Variants in PIP4K2A observed in about 807,000 individuals in gnomAD.
PIP4K2A encodes the protein phosphatidylinositol 5-phosphate 4-kinase type-2 alpha.
A neutral mutation model predicts 42.9 loss-of-function variants in PIP4K2A; 14 were observed. The ratio of observed to expected loss-of-function variants is 0.33; its 90% CI spans 0.22 to 0.51. PIP4K2A has a LOEUF of 0.51. Among genes scored for constraint, PIP4K2A ranks in the 20% least tolerant of loss-of-function variants. PIP4K2A has a pLI of 0.97. For synonymous variants in PIP4K2A, 192 were observed against 192.2 expected (o/e 1.00, Z 0.01); for missense variants, 434 against 519.8 (o/e 0.83, Z 1.61).
chr10:22,621,019 G>C (rs1165676717), intron 1 of PIP4K2A, among the ~76,000 whole-genome samples: 1 of 152,206 alleles, frequency 6.6e-6, no homozygotes, highest in Non-Finnish European at 1.5e-5. Context: ...CTGACACAGG[G>C]GACAGGGAAG....
chr10:22,693,672 C>T (rs1007142315), intron 1 of PIP4K2A, among the ~76,000 whole-genome samples: 1 of 152,128 alleles, frequency 6.6e-6, no homozygotes, highest in Non-Finnish European at 1.5e-5. Flanking sequence ...GCTTAGTCAT[C>T]GACACACTAC....
intron 1 of PIP4K2A, among the ~76,000 whole-genome samples, chr10:22,698,679 A>G (rs563528742): frequency 6.6e-6 from 1 of 152,380 alleles, no homozygotes; most frequent in South Asian, 2.1e-4. Flanking sequence ...AGCAGTGATC[A>G]AAAATTTAAA....
At chr10:22,692,144 G>T (rs557737262) in intron 1 of PIP4K2A, among the ~76,000 whole-genome samples, 2 of 152,054 alleles carry the variant, frequency 1.3e-5, no homozygotes, top group Non-Finnish European at 2.9e-5. Context: ...CCTGCAACTA[G>T]ATGGTCCCAT....
chr10:22,657,654 T>C (rs1839128545), intron 1 of PIP4K2A, among the ~76,000 whole-genome samples: 1 of 152,242 alleles, frequency 6.6e-6, no homozygotes. Flanking sequence ...AAATGTCTTC[T>C]GAAAGAATAT....
intron 3 of PIP4K2A, among the ~76,000 whole-genome samples, chr10:22,607,515 C>T (rs1252780703): frequency 6.6e-6 from 1 of 152,164 alleles, no homozygotes; most frequent in Non-Finnish European, 1.5e-5. Flanking sequence ...AGCAGCAAAT[C>T]AGCAAGATAA....
At chr10:22,631,031 T>G (rs974970297) in intron 1 of PIP4K2A, among the ~76,000 whole-genome samples, 1 of 152,166 alleles carries the variant, frequency 6.6e-6, no homozygotes, top group Non-Finnish European at 1.5e-5. Context: ...AGCCAAGTCA[T>G]GCACCCTGCC....
chr10:22,553,988 C>T (rs531696710), intron 6 of PIP4K2A, among the ~76,000 whole-genome samples: 24 of 151,866 alleles, frequency 1.6e-4, no homozygotes, highest in African/African-American at 5.8e-4. Flanking sequence ...AGTAATAAAA[C>T]ATATGAGATA....
At chr10:22,581,759 AT>A in intron 4 of PIP4K2A, among the ~76,000 whole-genome samples, 1 of 151,934 alleles carries the variant, frequency 6.6e-6, no homozygotes, top group Non-Finnish European at 1.5e-5. Context: ...CATTTTTCTC[AT>A]CTGTAACATG....
At chr10:22,669,723 G>C (rs1275679768) in intron 1 of PIP4K2A, among the ~76,000 whole-genome samples, 2 of 152,176 alleles carry the variant, frequency 1.3e-5, no homozygotes, top group Non-Finnish European at 1.5e-5. Context: ...TCCAGGTGCA[G>C]GCAATGGGGC....
intron 1 of PIP4K2A, chr10:22,713,950 C>T (rs1833961908): frequency 2.5e-6 from 1 of 395,132 alleles, no homozygotes; most frequent in Admixed American, 4.6e-5. Flanking sequence ...ACACGGGACC[C>T]CCGACCCGCA....
chr10:22,584,498 G>T (rs1057239553), intron 4 of PIP4K2A, among the ~76,000 whole-genome samples: 1 of 152,140 alleles, frequency 6.6e-6, no homozygotes, highest in Non-Finnish European at 1.5e-5. Flanking sequence ...AACAGAAGGG[G>T]AGAGGTGAGG....
intron 6 of PIP4K2A, among the ~76,000 whole-genome samples, chr10:22,558,178 T>A (rs1465802093): frequency 6.6e-6 from 1 of 152,168 alleles, no homozygotes; most frequent in African/African-American, 2.4e-5. Flanking sequence ...ACGTAGTAAT[T>A]ATTGTTTTAT....
At chr10:22,584,239 C>T (rs921241087) in intron 4 of PIP4K2A, among the ~76,000 whole-genome samples, 8 of 151,534 alleles carry the variant, frequency 5.3e-5, no homozygotes, top group African/African-American at 1.9e-4. Flanking sequence ...GAGCATAAAT[C>T]AAGAAACTAT....
intron 1 of PIP4K2A, among the ~76,000 whole-genome samples, chr10:22,611,277 C>G (rs1027926933): frequency 6.6e-5 from 10 of 152,038 alleles, no homozygotes; most frequent in African/African-American, 2.4e-4. Context: ...GTAGTCCCAG[C>G]TACTTAGGAG....
intron 1 of PIP4K2A, among the ~76,000 whole-genome samples, chr10:22,682,866 A>G (rs1283044055): frequency 6.6e-6 from 1 of 152,186 alleles, no homozygotes; most frequent in Non-Finnish European, 1.5e-5. Context: ...AGAGACACAG[A>G]TGGTCCAGTC....
intron 7 of PIP4K2A, among the ~76,000 whole-genome samples, chr10:22,546,992 C>T (rs1836272110): frequency 6.6e-6 from 1 of 152,208 alleles, no homozygotes; most frequent in African/African-American, 2.4e-5. Flanking sequence ...TGCTGGACCT[C>T]ACATCTGCCT....
At chr10:22,543,818 G>A (rs943215716) in intron 7 of PIP4K2A, among the ~76,000 whole-genome samples, 2 of 152,194 alleles carry the variant, frequency 1.3e-5, no homozygotes, top group South Asian at 2.1e-4. Flanking sequence ...GCTGGGTCTC[G>A]GGTACCAGCT....
At chr10:22,551,831 C>T (rs1836416200) in intron 6 of PIP4K2A, among the ~76,000 whole-genome samples, 1 of 152,162 alleles carries the variant, frequency 6.6e-6, no homozygotes. Flanking sequence ...GTTCCTCCTC[C>T]CTCCTTATTC....
Position 22,675,000 on chromosome 10 carries a change from T to G in PIP4K2A, c.144+39183A>C, listed in dbSNP as rs146626778. Reference sequence around the variant, plus strand: ...AAACAAAAAAAAGTCCATCTATATTTTTCATGGGCAGCTAAAAGGTAGCCA... The same window carrying G: ...AAACAAAAAAAAGTCCATCTATATTGTTCATGGGCAGCTAAAAGGTAGCCA... On this transcript the variant is annotated intron_variant, in intron 1 of 9. Coordinates refer to ENST00000376573, the MANE Select transcript of PIP4K2A (RefSeq NM_005028.5). 3.3e-5 allele frequency among the ~76,000 whole-genome samples: 5 copies of G among 152,176 alleles called. No homozygotes were observed. The East Asian group carries it at 9.6e-4, about 29-fold the overall frequency.
Sources: gnomAD v4.1 joint callset for allele counts (sites outside exome capture counted in the v4.1 genomes callset) on GRCh38, gnomAD v4.1.1 for gene constraint, MANE v1.5 for transcripts, NCBI Gene and HGNC (gene_info 2026-07-23, HGNC 2026-07-21) for gene names.